Variants in ITPR2 observed in about 807,000 individuals in gnomAD.
ITPR2 encodes the protein inositol 1,4,5-trisphosphate-gated calcium channel ITPR2.
ITPR2 carries 207 observed loss-of-function variants against 317.1 expected under a neutral mutation model. That is an observed-to-expected ratio of 0.65 (90% CI 0.58 to 0.73). The LOEUF (loss-of-function observed/expected upper bound fraction) is 0.73. ITPR2 is among the 30% of genes least tolerant of loss of function. The pLI is 0.00. For synonymous variants in ITPR2, 1,156 were observed against 1,149.1 expected (o/e 1.01, Z -0.12); for missense variants, 2,613 against 3,284.0 (o/e 0.80, Z 4.99).
chr12:26,450,664 G>A (rs1012671967), intron 45 of ITPR2, among the ~76,000 whole-genome samples: 2 of 152,170 alleles, frequency 1.3e-5, no homozygotes, highest in Admixed American at 6.5e-5. Context: ...GGAATTCCTA[G>A]TAGGGAGAAG....
At chr12:26,433,868 GTC>G (rs1361629020) in intron 48 of ITPR2, among the ~76,000 whole-genome samples, 1 of 152,176 alleles carries the variant, frequency 6.6e-6, no homozygotes, top group Middle Eastern at 3.2e-3. Flanking sequence ...AAACTATAGA[GTC>G]TGCATGAGGT....
Position 26,597,035 on chromosome 12 carries a change from C to T in ITPR2, c.4102G>A (p.Glu1368Lys). 1 of 1,614,082 alleles carries T rather than the reference C, an allele frequency of 6.2e-7. No individual in the cohort carries two copies. Among genetic ancestry groups the T allele is most frequent in the South Asian group, 1.1e-5 (1 of 91,078 alleles). ...MMCSERDRGD[E>K]SGPLAYHITL... ...ATGTGGTAGGCTAAGGGGCCACTCT[C>T]ATCCCCTCGGTCTCTCTCTGAACAC... is the stretch of plus-strand genomic sequence containing the variant. The change falls in exon 31 of 57, where the codon GAG (glutamate) becomes AAG (lysine). Residue 1368 changes from glutamate (E) to lysine (K), a missense_variant. Physicochemically the swap from Glu to Lys is moderately conservative, Grantham distance 56. Around this residue, in one of 9 missense-constraint regions of ITPR2, gnomAD observed 817 missense variants for 897.6 expected, o/e 0.91. Transcript: ENST00000381340.
chr12:26,523,449 C>T (rs758583093), intron 37 of ITPR2, among the ~76,000 whole-genome samples: 34 of 152,118 alleles, frequency 2.2e-4, no homozygotes, highest in Non-Finnish European at 3.4e-4. Context: ...TTTATTCTCA[C>T]TCATAGATAA....
At chr12:26,683,911 T>A (rs1948081529) in intron 11 of ITPR2, among the ~76,000 whole-genome samples, 1 of 152,194 alleles carries the variant, frequency 6.6e-6, no homozygotes, top group South Asian at 2.1e-4. Context: ...TGCTTACAGA[T>A]CAGTGTAAAG....
rs1342977806 is a variant in ITPR2, at chr12:26,768,269, TC to T, written c.163+21887del. ...TCACACTCTGGGGACGGTGGTGGGGTCGGGGGAAGGGGGAGGGATAGCAGTG... is the reference window on the plus strand; with the variant it reads ...TCACACTCTGGGGACGGTGGTGGGGTGGGGGAAGGGGGAGGGATAGCAGTG... On this transcript the variant is annotated intron_variant, in intron 2 of 56. Transcript: ENST00000381340. Among the ~76,000 whole-genome samples, 263 of 110,906 alleles carry T rather than the reference TC, an allele frequency of 2.4e-3. 1 individual carries two copies. Among genetic ancestry groups the T allele is most frequent in the Non-Finnish European group, 3.2e-3 (169 of 52,264 alleles). 72.8% of individuals were successfully genotyped at this position (110,906 alleles called of 152,430 possible).
At chr12:26,355,205 T>C (rs1286359421) in intron 55 of ITPR2, among the ~76,000 whole-genome samples, 1 of 152,224 alleles carries the variant, frequency 6.6e-6, no homozygotes. Flanking sequence ...GGATGAACTA[T>C]AAAGAAAATT....
At position 26,615,248 on chromosome 12, in the gene ITPR2, A is replaced by G. The variant is rs144127123; in HGVS notation, c.3462+5875T>C. Among the ~76,000 whole-genome samples the G allele has an allele frequency of 5.3e-4, 80 of 152,334 alleles. 1 individual carries two copies. Among genetic ancestry groups the G allele is most frequent in the African/African-American group, 1.9e-3 (78 of 41,582 alleles). On this transcript the variant is annotated intron_variant, in intron 26 of 56. Transcript: ENST00000381340. ...CCGAGTTACCACATACAGACCATAA[A>G]ACAGCCATAGGGAATCACAAAAATT...
At position 26,580,009 on chromosome 12, in the gene ITPR2, T is replaced by C; in HGVS notation, c.4509+18A>G. 6.2e-7 allele frequency: 1 copy of C among 1,602,638 alleles called. No homozygotes were observed. The highest frequency in any genetic ancestry group is 8.5e-7 in the Non-Finnish European group (1 of 1,175,636). ...AGAAACTCTTTGCAACAGAATGCTTTGCAATTGTTTAACTTACCTGGAGGC... is the reference window on the plus strand; with the variant it reads ...AGAAACTCTTTGCAACAGAATGCTTCGCAATTGTTTAACTTACCTGGAGGC... On this transcript the variant is annotated intron_variant, in intron 33 of 56. Coordinates refer to ENST00000381340, the MANE Select transcript of ITPR2 (RefSeq NM_002223.4).
chr12:26,796,938 G>A (rs1482938559), intron 1 of ITPR2, among the ~76,000 whole-genome samples: 5 of 152,176 alleles, frequency 3.3e-5, no homozygotes, highest in Non-Finnish European at 2.9e-5. Flanking sequence ...TCGGGAGGCT[G>A]AGGCAGGGGA....
At chr12:26,389,976 G>A (rs1019988580) in intron 54 of ITPR2, among the ~76,000 whole-genome samples, 3 of 152,096 alleles carry the variant, frequency 2.0e-5, no homozygotes, top group Non-Finnish European at 2.9e-5. Context: ...CTTCACCAAC[G>A]GTCCCAAAAG....
chr12:26,523,573 T>C (rs535833108), intron 37 of ITPR2, among the ~76,000 whole-genome samples: 3 of 152,278 alleles, frequency 2.0e-5, no homozygotes, highest in Non-Finnish European at 2.9e-5. Flanking sequence ...AGAAAACATT[T>C]TTCTCTACTT....
At chr12:26,500,239 C>A (rs1318259295) in intron 37 of ITPR2, among the ~76,000 whole-genome samples, 1 of 152,154 alleles carries the variant, frequency 6.6e-6, no homozygotes, top group Non-Finnish European at 1.5e-5. Context: ...TACTTTAATT[C>A]AAAAGTAACT....
chr12:26,665,715 C>T (rs1476417172), intron 14 of ITPR2, among the ~76,000 whole-genome samples, 195 bp downstream of exon 14: 1 of 152,134 alleles, frequency 6.6e-6, no homozygotes, highest in African/African-American at 2.4e-5. Context: ...GTGAGAGACC[C>T]TGAGTGAGAT....
chr12:26,499,264 AT>A (rs1201222988), intron 37 of ITPR2, among the ~76,000 whole-genome samples: 2 of 152,222 alleles, frequency 1.3e-5, no homozygotes, highest in African/African-American at 4.8e-5. Context: ...ATTCATAGAC[AT>A]CAAAATCAAA....
rs11048631 is a variant in ITPR2 at position 26,649,881 on chromosome 12, T to C, written c.2740+4095A>G. On this transcript the variant is annotated intron_variant, in intron 21 of 56. Coordinates refer to ENST00000381340, the MANE Select transcript of ITPR2 (RefSeq NM_002223.4). ...CTCCTATTATAGATAGATAGACAGA[T>C]AGATAATCTGACTATTTCTCCCAAT... Among the ~76,000 whole-genome samples, 5 of 152,306 alleles carry C rather than the reference T, an allele frequency of 3.3e-5. No individual in the cohort carries two copies. In the East Asian group the frequency reaches 5.8e-4, roughly 18 times the overall value.
intron 45 of ITPR2, among the ~76,000 whole-genome samples, chr12:26,461,681 CAT>C (rs10599348): frequency 0.24 from 20,179 of 84,436 alleles, 2,036 homozygotes; most frequent in South Asian, 0.32. Context: ...TGCACACATA[CAT>C]ATATATATAC....
chr12:26,827,195 G>A (rs919074546), intron 1 of ITPR2, among the ~76,000 whole-genome samples: 2 of 152,088 alleles, frequency 1.3e-5, no homozygotes, highest in East Asian at 3.8e-4. Context: ...GTCAATACAA[G>A]TATTTCTTAA....
At chr12:26,516,654 A>T (rs188372068) in intron 37 of ITPR2, among the ~76,000 whole-genome samples, 1 of 152,342 alleles carries the variant, frequency 6.6e-6, no homozygotes, top group African/African-American at 2.4e-5. Flanking sequence ...ACATGATGAA[A>T]TCACCTCTAT....
Position 26,777,464 on chromosome 12 carries a change from G to C in ITPR2, c.163+12693C>G, listed in dbSNP as rs113492373. Among the ~76,000 whole-genome samples the C allele has an allele frequency of 5.1e-3, 784 of 152,318 alleles. 9 individuals are homozygous for C. The highest frequency in any genetic ancestry group is 0.018 in the African/African-American group (744 of 41,572). On this transcript the variant is annotated intron_variant, in intron 2 of 56. Transcript: ENST00000381340. ...TACAATGGGAATAATTGGATCCCAA[G>C]GTGGTAGGGGCCAAGTGGTAACATT...
Sources: gnomAD v4.1 joint callset for allele counts (sites outside exome capture counted in the v4.1 genomes callset) on GRCh38, gnomAD v4.1.1 for gene constraint, gnomAD v4.1.1 regional missense constraint, MANE v1.5 for transcripts, NCBI Gene and HGNC (gene_info 2026-07-23, HGNC 2026-07-21) for gene names.